Variants in MACROD2 observed in about 807,000 individuals in gnomAD.
MACROD2 encodes mono-ADP ribosylhydrolase 2.
MACROD2 carries 36 observed loss-of-function variants against 70.4 expected under a neutral mutation model. The observed-to-expected ratio is 0.51, with a 90% CI of 0.39 to 0.68. The LOEUF is 0.68. Among genes scored for constraint, MACROD2 ranks in the 30% least tolerant of loss-of-function variants. The pLI is 0.00. For synonymous variants in MACROD2, 172 were observed against 178.8 expected, an observed-to-expected ratio of 0.96 and a Z score of 0.30; for missense variants, 496 against 538.4, an observed-to-expected ratio of 0.92 and a Z score of 0.78.
intron 4 of MACROD2, among the ~76,000 whole-genome samples, chr20:14,589,496 T>G (rs1270903191): frequency 6.6e-6 from 1 of 152,214 alleles, no homozygotes; most frequent in Non-Finnish European, 1.5e-5. Context: ...ACTTGCTTTT[T>G]GTTATCCTTG....
intron 6 of MACROD2, among the ~76,000 whole-genome samples, chr20:15,409,839 T>A (rs2046053125): frequency 6.6e-6 from 1 of 152,178 alleles, no homozygotes; most frequent in Non-Finnish European, 1.5e-5. Context: ...GAGAAGGCAC[T>A]GATGTACATG....
intron 8 of MACROD2, among the ~76,000 whole-genome samples, chr20:15,810,167 A>G (rs1348010562): frequency 6.6e-6 from 1 of 151,906 alleles, no homozygotes; most frequent in African/African-American, 2.4e-5. Context: ...TTCCAGTTTC[A>G]TCCATGTCCC....
At chr20:14,552,582 ATGT>A (rs1269190260) in intron 4 of MACROD2, among the ~76,000 whole-genome samples, 1 of 152,000 alleles carries the variant, frequency 6.6e-6, no homozygotes, top group Non-Finnish European at 1.5e-5. Flanking sequence ...TTAGGCAATT[ATGT>A]TGTTGTGTGA....
intron 5 of MACROD2, among the ~76,000 whole-genome samples, chr20:14,761,919 C>T (rs1448082189): frequency 1.3e-5 from 2 of 152,152 alleles, no homozygotes; most frequent in Non-Finnish European, 2.9e-5. Context: ...GGCATTTTCT[C>T]ACTAGTAAAT....
intron 8 of MACROD2, among the ~76,000 whole-genome samples, chr20:15,798,872 A>G (rs1351724356): frequency 2.0e-5 from 3 of 152,178 alleles, no homozygotes; most frequent in Admixed American, 6.5e-5. Context: ...CTATGGCCCC[A>G]TTGCCTGTCT....
At chr20:14,073,345 A>C (rs2053874974) in intron 2 of MACROD2, among the ~76,000 whole-genome samples, 1 of 152,166 alleles carries the variant, frequency 6.6e-6, no homozygotes, top group South Asian at 2.1e-4. Context: ...AAAAAAAAAA[A>C]ATGAAATTAT....
chr20:15,795,377 G>A (rs1483006233), intron 8 of MACROD2, among the ~76,000 whole-genome samples: 1 of 152,046 alleles, frequency 6.6e-6, no homozygotes, highest in Admixed American at 6.6e-5. Context: ...TTGGGATGGG[G>A]TGCAGGAATC....
chr20:15,368,756 C>T (rs997003351), intron 6 of MACROD2, among the ~76,000 whole-genome samples: 1 of 152,192 alleles, frequency 6.6e-6, no homozygotes, highest in Non-Finnish European at 1.5e-5. Flanking sequence ...AGCCACCACG[C>T]CCGGCCCAAT....
intron 8 of MACROD2, among the ~76,000 whole-genome samples, chr20:15,551,623 A>C (rs532005871): frequency 6.6e-6 from 1 of 152,202 alleles, no homozygotes; most frequent in African/African-American, 2.4e-5. Context: ...TCACGCCTGT[A>C]ATCTCAACAC....
intron 6 of MACROD2, among the ~76,000 whole-genome samples, chr20:15,333,000 T>G (rs1439532267): frequency 6.6e-6 from 1 of 151,624 alleles, no homozygotes. Flanking sequence ...TTAGAGGTGG[T>G]AAAACCCAAT....
rs368739816 is a variant in MACROD2 at position 15,518,879 on chromosome 20, G to A, written c.645+19032G>A. ...TTGCTTTCATTCTTTTCCAGTCTGT[G>A]GCTAATTAGGAAACTATAATAACTA... On this transcript the variant is annotated intron_variant, in intron 8 of 17. Transcript: ENST00000684519. Among the ~76,000 whole-genome samples the A allele has an allele frequency of 1.3e-3, 191 of 152,224 alleles. 5 individuals carry two copies. The South Asian group carries it at 0.038, about 30-fold the overall frequency.
At chr20:15,417,729 C>T (rs959294276) in intron 6 of MACROD2, among the ~76,000 whole-genome samples, 3 of 151,916 alleles carry the variant, frequency 2.0e-5, no homozygotes, top group African/African-American at 7.3e-5. Context: ...CACCGCAGAC[C>T]TTCTGGATGA....
intron 5 of MACROD2, among the ~76,000 whole-genome samples, chr20:14,801,152 A>G (rs1028103120): frequency 2.0e-5 from 3 of 152,178 alleles, no homozygotes; most frequent in Non-Finnish European, 4.4e-5. Flanking sequence ...CTTTTCCCTA[A>G]TTGGGATATT....
chr20:14,721,431 C>G (rs1268865266), intron 5 of MACROD2, among the ~76,000 whole-genome samples: 1 of 151,900 alleles, frequency 6.6e-6, no homozygotes, highest in Non-Finnish European at 1.5e-5. Flanking sequence ...CCACAAAACT[C>G]AAGGAGTTAA....
intron 15 of MACROD2, among the ~76,000 whole-genome samples, chr20:16,022,946 G>A (rs1002495551): frequency 1.2e-4 from 18 of 152,214 alleles, no homozygotes; most frequent in African/African-American, 4.1e-4. Context: ...TTAAAACTTG[G>A]TATTGATCTT....
At position 15,856,475 on chromosome 20, in the gene MACROD2, C is replaced by A. The variant is rs532598246; in HGVS notation, c.646-6270C>A. ...GTATTTCTGTTCTCAGCTCTTCTGG[C>A]AAACTTAAAGGAAAGTCCTCCGAAA... is the stretch of plus-strand genomic sequence containing the variant. On this transcript the variant is annotated intron_variant, in intron 8 of 17. Coordinates refer to ENST00000684519, the MANE Select transcript of MACROD2 (RefSeq NM_001351661.2). Among the ~76,000 whole-genome samples the A allele has an allele frequency of 2.1e-3, 318 of 152,294 alleles. 1 individual carries two copies. Among genetic ancestry groups the A allele is most frequent in the African/African-American group, 7.4e-3 (309 of 41,580 alleles).
At position 15,021,248 on chromosome 20, in the gene MACROD2, A is replaced by ATGTATACGCATACGTGTG. The variant is rs2075176946; in HGVS notation, c.419-208685_419-208684insGCATACGTGTGTGTATAC. 5.8e-3 allele frequency among the ~76,000 whole-genome samples: 310 copies of ATGTATACGCATACGTGTG among 53,340 alleles called. 24 individuals carry two copies. Among genetic ancestry groups the ATGTATACGCATACGTGTG allele is most frequent in the Middle Eastern group, 0.017 (1 of 58 alleles). 35.0% of individuals were successfully genotyped at this position (53,340 alleles called of 152,430 possible). A position where few individuals can be genotyped will look rare whatever the true frequency, so the allele number is the denominator to read the frequency against. On this transcript the variant is annotated intron_variant, in intron 5 of 17. Transcript: ENST00000684519. Reference sequence around the variant, plus strand: ...TGTGCGTATACACACACCTGTGTGTATGTATACACACACCTGTGTGTGTGT... The same window carrying ATGTATACGCATACGTGTG: ...TGTGCGTATACACACACCTGTGTGTATGTATACGCATACGTGTGTGTATACACACACCTGTGTGTGTGT...
chr20:14,989,096 T>C (rs557203670), intron 5 of MACROD2, among the ~76,000 whole-genome samples: 1 of 152,318 alleles, frequency 6.6e-6, no homozygotes, highest in East Asian at 1.9e-4. Flanking sequence ...ATATGGTTTT[T>C]TTTAAAAAGT....
chr20:14,769,145 C>T (rs1053931357), intron 5 of MACROD2, among the ~76,000 whole-genome samples: 1 of 152,008 alleles, frequency 6.6e-6, no homozygotes, highest in Non-Finnish European at 1.5e-5. Flanking sequence ...GGAAAGCTTC[C>T]CTCTCAGTGC....
Sources: gnomAD v4.1 joint callset for allele counts (sites outside exome capture counted in the v4.1 genomes callset) on GRCh38, gnomAD v4.1.1 for gene constraint, MANE v1.5 for transcripts, NCBI Gene and HGNC (gene_info 2026-07-23, HGNC 2026-07-21) for gene names.